STAT1: variants seen among roughly 807,000 people sequenced by gnomAD.
STAT1 encodes the protein signal transducer and activator of transcription 1.
STAT1 carries 24 observed loss-of-function variants against 111.7 expected under a neutral mutation model. The observed-to-expected ratio is 0.21, with a 90% CI of 0.16 to 0.30. STAT1 has a LOEUF of 0.30. Ranked by LOEUF, STAT1 falls within the 10% of genes least tolerant of loss-of-function variation. STAT1 has a pLI of 1.00. For missense variants in STAT1, 351 were observed against 911.9 expected (o/e 0.38, Z 7.92); for synonymous variants, 332 against 326.5 (o/e 1.02, Z -0.18).
chr2:190,974,890 C>T lies in STAT1; in HGVS notation c.2178G>A (p.Met726Ile). The change falls in exon 24 of 25, where the codon ATG becomes ATA. Residue 726 changes from methionine to isoleucine, a missense_variant. Met to Ile is a conservative substitution (Grantham distance 10). Transcript: ENST00000361099. This position sits in a 1 kb window ranked among gnomAD's most constrained non-coding sequence, Gnocchi z 4.8. ...RLQTTDNLLP[M>I]SPEEFDEVSR... ...ACACCTCGTCAAACTCCTCAGGAGACATGGGGAGCAGGTTGTCTGTGGTCT... is the reference window on the plus strand; with the variant it reads ...ACACCTCGTCAAACTCCTCAGGAGATATGGGGAGCAGGTTGTCTGTGGTCT... The T allele has an allele frequency of 6.2e-7, 1 of 1,614,194 alleles. No individual in the cohort carries two copies. Among genetic ancestry groups the T allele is most frequent in the Non-Finnish European group, 8.5e-7 (1 of 1,180,018 alleles).
At chr2:191,010,610 A>G (rs1053980408) in intron 2 of STAT1, among the ~76,000 whole-genome samples, 5 of 151,680 alleles carry the variant, frequency 3.3e-5, no homozygotes, top group African/African-American at 9.7e-5. Flanking sequence ...AAATCACAGT[A>G]CATTTGTAAT....
Position 190,970,729 on chromosome 2 carries a change from C to CA in STAT1, c.2239-13dup, listed in dbSNP as rs759684750. ...TATACTGTGTTCATCTGTAAAAAGA[C>CA]AAAATGTGGTTAAGTTTATTACACT... is the stretch of plus-strand genomic sequence containing the variant. On this transcript the variant is annotated splice_polypyrimidine_tract_variant and intron_variant, in intron 24 of 24. Coordinates refer to ENST00000361099, the MANE Select transcript of STAT1 (RefSeq NM_007315.4). The surrounding 1 kb of genome is among the most constrained non-coding windows in gnomAD (Gnocchi z 5.4). 1.3e-5 allele frequency: 21 copies of CA among 1,612,570 alleles called. No individual in the cohort carries two copies. Among genetic ancestry groups the CA allele is most frequent in the Non-Finnish European group, 1.6e-5 (19 of 1,179,056 alleles).
In STAT1 at chr2:190,999,553, A is replaced by C; in HGVS notation, c.541+73T>G. On this transcript the variant is annotated intron_variant, in intron 7 of 24. Coordinates refer to ENST00000361099, the MANE Select transcript of STAT1 (RefSeq NM_007315.4). This position sits in a 1 kb window ranked among gnomAD's most constrained non-coding sequence, Gnocchi z 4.1. ...AAATACTCGGCAAATAGAAAGGAGT[A>C]ATCATCTTCGTTATCTAGTGTGAAC... 2.0e-6 allele frequency: 2 copies of C among 1,010,170 alleles called. No homozygotes were observed. Among genetic ancestry groups the C allele is most frequent in the Admixed American group, 3.5e-5 (2 of 57,670 alleles). 62.6% of individuals were successfully genotyped at this position (1,010,170 alleles called of 1,614,324 possible). A position where few individuals can be genotyped will look rare whatever the true frequency, so the allele number is the denominator to read the frequency against.
chr2:190,989,118 A>T lies in STAT1; in HGVS notation c.1097+497T>A, dbSNP rs981840595. ...CAAGATGCTGCTGACCTCGCTCCAGAAAAAAACCCCCAAATGACCACAGAA... is the reference window on the plus strand; with the variant it reads ...CAAGATGCTGCTGACCTCGCTCCAGTAAAAAACCCCCAAATGACCACAGAA... On this transcript the variant is annotated intron_variant, in intron 12 of 24. Coordinates refer to ENST00000361099, the MANE Select transcript of STAT1 (RefSeq NM_007315.4). The surrounding 1 kb of genome is among the most constrained non-coding windows in gnomAD (Gnocchi z 5.0). Among the ~76,000 whole-genome samples, 1 of 152,130 alleles carries T rather than the reference A, an allele frequency of 6.6e-6. No individual in the cohort carries two copies. The highest frequency in any genetic ancestry group is 2.4e-5 in the African/African-American group (1 of 41,502).
Position 190,978,410 on chromosome 2 carries a change from G to A in STAT1, c.1873+446C>T, listed in dbSNP as rs375755084. On this transcript the variant is annotated intron_variant, in intron 21 of 24. Coordinates refer to ENST00000361099, the MANE Select transcript of STAT1 (RefSeq NM_007315.4). The surrounding 1 kb of genome is among the most constrained non-coding windows in gnomAD (Gnocchi z 6.1). ...GAAGGCAGGGTAGAGGCTGCCACTC[G>A]TCCCAACAGGTCCTGCATCAACTCC... 1.4e-4 allele frequency: 31 copies of A among 220,418 alleles called. No individual in the cohort carries two copies. Among genetic ancestry groups the A allele is most frequent in the Middle Eastern group, 1.9e-3 (1 of 532 alleles). 13.7% of individuals were successfully genotyped at this position (220,418 alleles called of 1,614,324 possible).
rs551888040 is a variant in STAT1 at position 191,000,196 on chromosome 2, C to T, written c.463-492G>A. The stretch of plus-strand genomic sequence containing the variant: ...CGGCTCAAATGCATCTCCATCTGGA[C>T]AATAAATTGTATGTTCATTCTACAA... On this transcript the variant is annotated intron_variant, in intron 6 of 24. Transcript: ENST00000361099. This position sits in a 1 kb window ranked among gnomAD's most constrained non-coding sequence, Gnocchi z 4.8. Among the ~76,000 whole-genome samples the T allele has an allele frequency of 1.3e-5, 2 of 152,348 alleles. No homozygotes were observed. Among genetic ancestry groups the T allele is most frequent in the African/African-American group, 4.8e-5 (2 of 41,566 alleles).
At position 190,974,857 on chromosome 2, in the gene STAT1, T is replaced by A; in HGVS notation, c.2211A>T (p.Ile737=). 2 of 1,614,206 alleles carry A rather than the reference T, an allele frequency of 1.2e-6. No homozygotes were observed. The highest frequency in any genetic ancestry group is 1.7e-6 in the Non-Finnish European group (2 of 1,180,018). ...TACTGTCGAATTCTACAGAGCCCAC[T>A]ATCCGAGACACCTCGTCAAACTCCT... ...SPEEFDEVSR[I]VGSVEFDSMM... The change falls in exon 24 of 25, where the codon ATA becomes ATT. Residue 737 remains isoleucine, a synonymous_variant. Transcript: ENST00000361099. This position sits in a 1 kb window ranked among gnomAD's most constrained non-coding sequence, Gnocchi z 4.8.
rs772183064 is a variant in STAT1, at chr2:190,979,454, A to G, written c.1727+318T>C. 6.6e-6 allele frequency among the ~76,000 whole-genome samples: 1 copy of G among 152,218 alleles called. No individual in the cohort carries two copies. Among genetic ancestry groups the G allele is most frequent in the Non-Finnish European group, 1.5e-5 (1 of 68,034 alleles). On this transcript the variant is annotated intron_variant, in intron 20 of 24. Transcript: ENST00000361099. The surrounding 1 kb of genome is among the most constrained non-coding windows in gnomAD (Gnocchi z 5.8). ...GATAGAAATGATTTACCCAGTTAAA[A>G]GGGTTTTTCTTCCTTCCTAGGGGCC... is the stretch of plus-strand genomic sequence containing the variant.
At position 190,969,771 on chromosome 2, in the gene STAT1, T is replaced by TA. The variant is rs1276749157; in HGVS notation, c.*931dup. On this transcript the variant is annotated 3_prime_UTR_variant, in exon 25 of 25. Coordinates refer to ENST00000361099, the MANE Select transcript of STAT1 (RefSeq NM_007315.4). ...ACTCCTTTCCCAATTTTGTGGCTAA[T>TA]AGACTAAATACCACCCTAATAACAA... 1.3e-5 allele frequency: 2 copies of TA among 152,212 alleles called. No homozygotes were observed. Among genetic ancestry groups the TA allele is most frequent in the African/African-American group, 4.8e-5 (2 of 41,468 alleles). The allele number at this position is 152,212 out of a possible 1,614,324, so 9.4% of individuals were successfully genotyped here. A position where few individuals can be genotyped will look rare whatever the true frequency, so the allele number is the denominator to read the frequency against.
rs753230840 is a variant in STAT1 at position 190,979,023 on chromosome 2, G to A, written c.1728-22C>T. ...GCACCTGGATATCGAAGAGATGGAC[G>A]GATGGGCTTTTAGTTCAATCATGAT... On this transcript the variant is annotated intron_variant, in intron 20 of 24. Coordinates refer to ENST00000361099, the MANE Select transcript of STAT1 (RefSeq NM_007315.4). This position sits in a 1 kb window ranked among gnomAD's most constrained non-coding sequence, Gnocchi z 5.8. 22 of 1,613,842 alleles carry A rather than the reference G, an allele frequency of 1.4e-5. No individual in the cohort carries two copies. The highest frequency in any genetic ancestry group is 2.2e-5 in the South Asian group (2 of 91,058).
In STAT1 at chr2:190,986,987, C is replaced by G. The variant is rs1240828923; in HGVS notation, c.1128-40G>C. 1 of 1,611,526 alleles carries G rather than the reference C, an allele frequency of 6.2e-7. No homozygotes were observed. Among genetic ancestry groups the G allele is most frequent in the Admixed American group, 1.7e-5 (1 of 60,020 alleles). Reference sequence around the variant, plus strand: ...AAAGAAATGCTGAAAAGTCTTCCAACTATTAAATAAATAAAAATATAGCAC... The same window carrying G: ...AAAGAAATGCTGAAAAGTCTTCCAAGTATTAAATAAATAAAAATATAGCAC... On this transcript the variant is annotated intron_variant, in intron 13 of 24. Coordinates refer to ENST00000361099, the MANE Select transcript of STAT1 (RefSeq NM_007315.4). This position sits in a 1 kb window ranked among gnomAD's most constrained non-coding sequence, Gnocchi z 5.0.
rs1289669090 is a variant in STAT1 at position 191,007,908 on chromosome 2, A to G, written c.274-247T>C. On this transcript the variant is annotated intron_variant, in intron 4 of 24. Coordinates refer to ENST00000361099, the MANE Select transcript of STAT1 (RefSeq NM_007315.4). This position sits in a 1 kb window ranked among gnomAD's most constrained non-coding sequence, Gnocchi z 4.2. ...GATTTAAAAACAAGTATTTTCACAT[A>G]TGGTTCACATAATATTTTTACTTTA... The G allele has an allele frequency of 3.6e-6, 2 of 553,098 alleles. No homozygotes were observed. Among genetic ancestry groups the G allele is most frequent in the African/African-American group, 3.8e-5 (2 of 52,726 alleles). The allele number at this position is 553,098 out of a possible 1,614,324, so 34.3% of individuals were successfully genotyped here.
In STAT1 at chr2:190,999,817, C is replaced by T. The variant is rs1336063875; in HGVS notation, c.463-113G>A. 27 of 746,102 alleles carry T rather than the reference C, an allele frequency of 3.6e-5. No individual in the cohort carries two copies. The highest frequency in any genetic ancestry group is 6.1e-5 in the Non-Finnish European group (26 of 424,820). 46.2% of individuals were successfully genotyped at this position (746,102 alleles called of 1,614,324 possible). A position where few individuals can be genotyped will look rare whatever the true frequency, so the allele number is the denominator to read the frequency against. ...AGAAACACGAAAACAATTCCATCTCCCCCAAAAAGAGATCTGACTTGGACA... is the reference window on the plus strand; with the variant it reads ...AGAAACACGAAAACAATTCCATCTCTCCCAAAAAGAGATCTGACTTGGACA... On this transcript the variant is annotated intron_variant, in intron 6 of 24. Coordinates refer to ENST00000361099, the MANE Select transcript of STAT1 (RefSeq NM_007315.4). The surrounding 1 kb of genome is among the most constrained non-coding windows in gnomAD (Gnocchi z 4.1).
At chr2:190,985,293 G>A (rs893192980) in intron 15 of STAT1, among the ~76,000 whole-genome samples, 4 of 152,162 alleles carry the variant, frequency 2.6e-5, no homozygotes, top group African/African-American at 9.7e-5. Context: ...CAGTAACTCT[G>A]TGCACCCTTA....
chr2:190,987,049 T>C lies in STAT1; in HGVS notation c.1117A>G (p.Thr373Ala), dbSNP rs768434440. The C allele has an allele frequency of 6.2e-7, 1 of 1,610,428 alleles. No individual in the cohort carries two copies. Among genetic ancestry groups the C allele is most frequent in the Non-Finnish European group, 8.5e-7 (1 of 1,177,316 alleles). Residue 373 changes from threonine (T) to alanine (A), a missense_variant, in exon 13 of 25, where the codon ACA (threonine) becomes GCA (alanine). Transcript: ENST00000361099. This position sits in a 1 kb window ranked among gnomAD's most constrained non-coding sequence, Gnocchi z 4.0. ...LFDKDVNERN[T>A]VKGFRKFNIL... ...AAGTACGTCACGTACCCTTTTACTG[T>C]ATTTCTCTCATTCACATCTCTGCAA...
In STAT1 at chr2:190,987,023, A is replaced by G. The variant is rs2125035657; in HGVS notation, c.1127+16T>C. On this transcript the variant is annotated intron_variant, in intron 13 of 24. Transcript: ENST00000361099. The surrounding 1 kb of genome is among the most constrained non-coding windows in gnomAD (Gnocchi z 4.0). ...ATAAAAATATAGCACAGTATAGCGT[A>G]AAGTACGTCACGTACCCTTTTACTG... 6.2e-7 allele frequency: 1 copy of G among 1,611,826 alleles called. No individual in the cohort carries two copies. Among genetic ancestry groups the G allele is most frequent in the South Asian group, 1.1e-5 (1 of 91,016 alleles).
chr2:190,997,195 T>A lies in STAT1; in HGVS notation c.785+661A>T, dbSNP rs1183198414. On this transcript the variant is annotated intron_variant, in intron 9 of 24. Transcript: ENST00000361099. This position sits in a 1 kb window ranked among gnomAD's most constrained non-coding sequence, Gnocchi z 7.3. ...GCTCTGTGCTGGAAAGCACTTCCCC[T>A]TGATCTACGTGGAGTAATCCTAGTG... 6.6e-6 allele frequency among the ~76,000 whole-genome samples: 1 copy of A among 152,238 alleles called. No individual in the cohort carries two copies. The highest frequency in any genetic ancestry group is 1.5e-5 in the Non-Finnish European group (1 of 68,030).
chr2:191,010,141 T>A, intron 2 of STAT1, 137 bp from the exon 3 acceptor site: 1 of 1,105,380 alleles, frequency 9.0e-7, no homozygotes, highest in Non-Finnish European at 1.3e-6. Flanking sequence ...ATATTTTATT[T>A]AAATGGCATT....
chr2:190,975,904 T>C lies in STAT1; in HGVS notation c.2060-17A>G, dbSNP rs1691871137. ...GCTCTGGTGCTAGAAATAAACACATTGTGTACGCTTTCCATCAACCGAAAT... is the reference window on the plus strand; with the variant it reads ...GCTCTGGTGCTAGAAATAAACACATCGTGTACGCTTTCCATCAACCGAAAT... On this transcript the variant is annotated splice_polypyrimidine_tract_variant and intron_variant, in intron 22 of 24. Coordinates refer to ENST00000361099, the MANE Select transcript of STAT1 (RefSeq NM_007315.4). This position sits in a 1 kb window ranked among gnomAD's most constrained non-coding sequence, Gnocchi z 5.9. 1 of 1,600,696 alleles carries C rather than the reference T, an allele frequency of 6.2e-7. No homozygotes were observed. Among genetic ancestry groups the C allele is most frequent in the Admixed American group, 1.7e-5 (1 of 60,002 alleles).
Sources: gnomAD v4.1 joint callset for allele counts (sites outside exome capture counted in the v4.1 genomes callset) on GRCh38, gnomAD v4.1.1 for gene constraint, Gnocchi (gnomAD v3.1) non-coding constraint, MANE v1.5 for transcripts, NCBI Gene and HGNC (gene_info 2026-07-23, HGNC 2026-07-21) for gene names.